Variants in BEAN1 observed in about 807,000 individuals in gnomAD.
BEAN1 encodes the protein protein BEAN1.
BEAN1 carries 17 observed loss-of-function variants against 17.7 expected under a neutral mutation model. The observed-to-expected ratio is 0.96, with a 90% CI of 0.66 to 1.44. The LOEUF (loss-of-function observed/expected upper bound fraction) is 1.44. BEAN1 is among the 40% of genes most tolerant of loss of function. BEAN1 has a pLI of 0.00. For synonymous variants in BEAN1, 142 were observed against 151.8 expected (o/e 0.94, Z 0.47); for missense variants, 359 against 374.1 (o/e 0.96, Z 0.33).
At chr16:66,438,201 T>C (rs2142379001) in intron 2 of BEAN1, among the ~76,000 whole-genome samples, 1 of 152,080 alleles carries the variant, frequency 6.6e-6, no homozygotes, top group South Asian at 2.1e-4. Flanking sequence ...CTGGCCAACA[T>C]GGTGAAACCC....
Position 66,437,690 on chromosome 16 carries a change from G to A in BEAN1, c.14G>A (p.Arg5His), listed in dbSNP as rs910255068. Residue 5 changes from arginine to histidine, a missense_variant, in exon 2 of 5, where the codon CGT becomes CAT. Coordinates refer to ENST00000536005, the MANE Select transcript of BEAN1 (RefSeq NM_001178020.3). ...TCCAAGGATTACATGTCCTTCAAAC[G>A]TCCCTGCCCCTGTAAGTTTCCTCCC... MSFK[R>H]PCPLARYNRT... 98 of 1,535,862 alleles carry A rather than the reference G, an allele frequency of 6.4e-5. No individual in the cohort carries two copies. Among genetic ancestry groups the A allele is most frequent in the East Asian group, 1.2e-4 (5 of 40,922 alleles).
At chr16:66,472,788 G>A (rs1457561583) in intron 3 of BEAN1, among the ~76,000 whole-genome samples, 1 of 152,108 alleles carries the variant, frequency 6.6e-6, no homozygotes, top group African/African-American at 2.4e-5. Context: ...GGGAGGCCAA[G>A]GTGGGAGGAT....
At chr16:66,485,506 CA>C (rs1224160862), downstream of BEAN1, 4 of 244,328 alleles carry the variant, frequency 1.6e-5, no homozygotes, top group African/African-American at 8.9e-5. Flanking sequence ...TGCTTCACCC[CA>C]CATTGCACGT....
intron 2 of BEAN1, among the ~76,000 whole-genome samples, chr16:66,454,281 T>A (rs1962785768): frequency 6.6e-6 from 1 of 152,236 alleles, no homozygotes; most frequent in African/African-American, 2.4e-5. Context: ...GTCTTCTGTA[T>A]CCTGGCTGAG....
At chr16:66,462,360 GA>G (rs1469736835) in intron 2 of BEAN1, among the ~76,000 whole-genome samples, 1 of 152,208 alleles carries the variant, frequency 6.6e-6, no homozygotes, top group Admixed American at 6.5e-5. Flanking sequence ...TCAAAAAATA[GA>G]GAAGAAACTG....
At position 66,480,773 on chromosome 16, in the gene BEAN1, A is replaced by C; in HGVS notation, c.628A>C (p.Met210Leu). 6.4e-7 allele frequency: 1 copy of C among 1,551,128 alleles called. No individual in the cohort carries two copies. Among genetic ancestry groups the C allele is most frequent in the Non-Finnish European group, 8.7e-7 (1 of 1,146,806 alleles). The change falls in exon 5 of 5, where the codon ATG becomes CTG. Residue 210 changes from methionine (M) to leucine (L), a missense_variant. Physicochemically the swap from Met to Leu is conservative, Grantham distance 15 (BLOSUM62 2). Coordinates refer to ENST00000536005, the MANE Select transcript of BEAN1 (RefSeq NM_001178020.3). ...PAQGGLHTVS[M>L]DTLPPYEAVC... ...CCAAGGTGGCCTTCACACGGTCTCC[A>C]TGGACACCCTTCCCCCCTACGAGGC...
intron 2 of BEAN1, among the ~76,000 whole-genome samples, chr16:66,462,369 C>G (rs1399513604): frequency 6.6e-6 from 1 of 152,188 alleles, no homozygotes; most frequent in East Asian, 1.9e-4. Context: ...AGAGAAGAAA[C>G]TGAATTCTAG....
intron 1 of BEAN1, among the ~76,000 whole-genome samples, chr16:66,436,266 CT>C (rs560577711): frequency 1.3e-3 from 152 of 120,596 alleles, no homozygotes; most frequent in Middle Eastern, 5.0e-3. Flanking sequence ...TTTTTCTTTT[CT>C]TTTTTTTTTT....
At chr16:66,438,149 C>T (rs115630363) in intron 2 of BEAN1, 3,913 of 194,306 alleles carry the variant, frequency 0.02, 64 homozygotes, top group South Asian at 0.043. Context: ...TTTGGGAAGC[C>T]GAGACAGATG....
intron 3 of BEAN1, among the ~76,000 whole-genome samples, chr16:66,474,544 AAGAGGGAGGGAGAGAGGGAG>A (rs1963615151): frequency 1.2e-5 from 1 of 80,136 alleles, no homozygotes; most frequent in Non-Finnish European, 2.4e-5. Context: ...AGGAAGAAGA[AAGAGGGAGGGAGAGAGGGAG>A]GGAGAGAGGG....
chr16:66,427,629 C>G lies in BEAN1; in HGVS notation c.-83+198C>G, dbSNP rs1961630377. On this transcript the variant is annotated intron_variant, in intron 1 of 4. Transcript: ENST00000536005. The surrounding 1 kb of genome is among the most constrained non-coding windows in gnomAD (Gnocchi z 4.7). Reference sequence around the variant, plus strand: ...CGGAACGGAGCGGGATCCCGGGTCTCCCGCGGACCCTCGACCCCGGGCTGG... The same window carrying G: ...CGGAACGGAGCGGGATCCCGGGTCTGCCGCGGACCCTCGACCCCGGGCTGG... 6.6e-6 allele frequency: 1 copy of G among 152,104 alleles called. No individual in the cohort carries two copies. Among genetic ancestry groups the G allele is most frequent in the African/African-American group, 2.4e-5 (1 of 41,440 alleles). The allele number at this position is 152,104 out of a possible 1,614,324, so 9.4% of individuals were successfully genotyped here.
At chr16:66,486,577 T>A (rs890038846), downstream of BEAN1, among the ~76,000 whole-genome samples, 1 of 152,184 alleles carries the variant, frequency 6.6e-6, no homozygotes, top group Non-Finnish European at 1.5e-5. Flanking sequence ...TCTGGCTGAC[T>A]GAGCCTGGGT....
intron 2 of BEAN1, among the ~76,000 whole-genome samples, chr16:66,447,982 C>T (rs1416950909): frequency 6.6e-6 from 1 of 152,180 alleles, no homozygotes; most frequent in Non-Finnish European, 1.5e-5. Context: ...AGAGGAGAAG[C>T]CCTCTTTGGA....
chr16:66,436,908 AT>A (rs1384400952), intron 1 of BEAN1, among the ~76,000 whole-genome samples: 1 of 152,022 alleles, frequency 6.6e-6, no homozygotes, highest in Non-Finnish European at 1.5e-5. Flanking sequence ...TGAATCGGTA[AT>A]TTAATATACA....
At chr16:66,467,856 T>G (rs1963310687) in intron 2 of BEAN1, among the ~76,000 whole-genome samples, 1 of 152,226 alleles carries the variant, frequency 6.6e-6, no homozygotes, top group South Asian at 2.1e-4. Context: ...GCTAGTAGGC[T>G]GCAAGAGCCA....
Position 66,434,452 on chromosome 16 carries a change from C to T in BEAN1, c.-82-3143C>T, listed in dbSNP as rs1322744044. Among the ~76,000 whole-genome samples the T allele has an allele frequency of 6.6e-6, 1 of 152,154 alleles. No homozygotes were observed. Among genetic ancestry groups the T allele is most frequent in the Non-Finnish European group, 1.5e-5 (1 of 68,034 alleles). On this transcript the variant is annotated intron_variant, in intron 1 of 4. Transcript: ENST00000536005. The surrounding 1 kb of genome is among the most constrained non-coding windows in gnomAD (Gnocchi z 4.3). ...AGTGGTTTTCTTCTGGGTCCTCCGG[C>T]AGAAATCCTGGAGTGGGGGAAGGGA...
chr16:66,456,448 C>T (rs1962870635), intron 2 of BEAN1, among the ~76,000 whole-genome samples: 1 of 152,196 alleles, frequency 6.6e-6, no homozygotes, highest in Non-Finnish European at 1.5e-5. Flanking sequence ...TCCTACTTAT[C>T]AGGCATGCAC....
intron 2 of BEAN1, among the ~76,000 whole-genome samples, chr16:66,445,475 CAAAAAAAAAAAAAAAAAAAAAAAAAAA>C (rs61540693): frequency 1.8e-4 from 9 of 49,328 alleles, no homozygotes; most frequent in South Asian, 9.3e-4. Context: ...GACTCCGTCT[CAAAAAAAAAAAAAAAAAAAAAAAAAAA>C]AAAAAAAAAA....
At chr16:66,488,146 G>C (rs1320237806) in intron 4 of BEAN1, among the ~76,000 whole-genome samples, 1 of 151,884 alleles carries the variant, frequency 6.6e-6, no homozygotes, top group African/African-American at 2.4e-5. Context: ...CCCCATGAGG[G>C]GAATGGAGGA....
Sources: allele counts gnomAD v4.1 joint callset (sites outside exome capture counted in the v4.1 genomes callset), GRCh38; gene constraint gnomAD v4.1.1; non-coding constraint Gnocchi (gnomAD v3.1); transcripts MANE v1.5; gene names NCBI Gene and HGNC (gene_info 2026-07-23, HGNC 2026-07-21).